BLTP3B: variants seen among roughly 807,000 people sequenced by gnomAD.
BLTP3B encodes the protein bridge-like lipid transfer protein family member 3B, also known as UHRF1 (ICBP90) binding protein 1-like.
the BLTP3B span, among the ~76,000 whole-genome samples, chr12:100,053,013 T>C: frequency 6.6e-6 from 1 of 151,654 alleles, no homozygotes; most frequent in Non-Finnish European, 1.5e-5. Flanking sequence ...CAGGATGGTC[T>C]CCATCTCCTG....
chr12:100,109,227 A>T, the BLTP3B span, among the ~76,000 whole-genome samples: 115 of 141,724 alleles, frequency 8.1e-4, no homozygotes, highest in African/African-American at 2.9e-3. Context: ...GCCACCATGT[A>T]AAACATGCCT....
At chr12:100,053,088 C>T in the BLTP3B span, among the ~76,000 whole-genome samples, 13 of 151,742 alleles carry the variant, frequency 8.6e-5, no homozygotes, top group South Asian at 2.1e-4. Context: ...CCACTGCGCT[C>T]GGCCAAATTT....
chr12:100,116,790 G>A, the BLTP3B span, among the ~76,000 whole-genome samples: 1 of 152,152 alleles, frequency 6.6e-6, no homozygotes, highest in African/African-American at 2.4e-5. Flanking sequence ...GTTTTGAAAA[G>A]TAGTAAAATT....
the BLTP3B span, among the ~76,000 whole-genome samples, chr12:100,111,103 A>G: frequency 2.6e-5 from 4 of 152,106 alleles, no homozygotes; most frequent in African/African-American, 9.7e-5. Flanking sequence ...ATTATAATAC[A>G]CTATATTATT....
the BLTP3B span, among the ~76,000 whole-genome samples, chr12:100,098,112 G>A: frequency 6.6e-6 from 1 of 152,076 alleles, no homozygotes; most frequent in African/African-American, 2.4e-5. Flanking sequence ...AGCTACTCAA[G>A]ATGCTGAGGT....
the BLTP3B span, chr12:100,097,431 T>G: frequency 2.0e-5 from 33 of 1,613,608 alleles, no homozygotes; most frequent in South Asian, 3.6e-4. Flanking sequence ...CACACATAAT[T>G]TCAAGATGTG....
the BLTP3B span, chr12:100,102,719 T>A: frequency 7.4e-5 from 81 of 1,090,828 alleles, no homozygotes; most frequent in South Asian, 1.0e-4. Context: ...TTTTTTTTTT[T>A]AATGTCCTGT....
At chr12:100,097,772 C>T in the BLTP3B span, among the ~76,000 whole-genome samples, 3,035 of 152,182 alleles carry the variant, frequency 0.02, 38 homozygotes, top group Non-Finnish European at 0.034. Context: ...CATGAAATCA[C>T]GTTACCAAGA....
At chr12:100,057,677 T>G in the BLTP3B span, 1 of 1,612,544 alleles carries the variant, frequency 6.2e-7, no homozygotes, top group South Asian at 1.1e-5. Context: ...GTGAAGAGCT[T>G]CTTTTCATAT....
chr12:100,054,091 T>A, the BLTP3B span, among the ~76,000 whole-genome samples: 16 of 152,242 alleles, frequency 1.1e-4, no homozygotes, highest in East Asian at 1.2e-3. Flanking sequence ...CAGACAAAAA[T>A]TTGTGAACAA....
At chr12:100,106,000 T>G in the BLTP3B span, among the ~76,000 whole-genome samples, 1 of 152,040 alleles carries the variant, frequency 6.6e-6, no homozygotes, top group African/African-American at 2.4e-5. Context: ...TAAAAACACA[T>G]TGAGACACCA....
At chr12:100,114,885 T>G in the BLTP3B span, among the ~76,000 whole-genome samples, 1 of 152,170 alleles carries the variant, frequency 6.6e-6, no homozygotes, top group Non-Finnish European at 1.5e-5. Context: ...TCACCTACAC[T>G]CCTGTCACTC....
At chr12:100,046,503 A>C in the BLTP3B span, among the ~76,000 whole-genome samples, 1 of 149,604 alleles carries the variant, frequency 6.7e-6, no homozygotes. Context: ...GCATGTTCTC[A>C]CTCATAAGTG....
chr12:100,104,976 G>C, the BLTP3B span, among the ~76,000 whole-genome samples: 1 of 150,950 alleles, frequency 6.6e-6, no homozygotes, highest in Non-Finnish European at 1.5e-5. Context: ...AAAACACTGT[G>C]GAAAATCATA....
chr12:100,037,987 C>T, the BLTP3B span, among the ~76,000 whole-genome samples: 1 of 152,182 alleles, frequency 6.6e-6, no homozygotes, highest in Non-Finnish European at 1.5e-5. Context: ...TCCTAATTTC[C>T]TAGTCTAATA....
chr12:100,037,605 G>C, the BLTP3B span: 1 of 1,605,490 alleles, frequency 6.2e-7, no homozygotes, highest in African/African-American at 1.3e-5. Flanking sequence ...CTACTCCAGA[G>C]CTATAATTTC....
chr12:100,038,759 T>C, the BLTP3B span, among the ~76,000 whole-genome samples: 20 of 152,168 alleles, frequency 1.3e-4, no homozygotes, highest in Non-Finnish European at 4.4e-5. Flanking sequence ...GCAAATATAT[T>C]AGAGCAAATA....
the BLTP3B span, among the ~76,000 whole-genome samples, chr12:100,082,143 T>C: frequency 6.6e-6 from 1 of 152,102 alleles, no homozygotes; most frequent in African/African-American, 2.4e-5. Flanking sequence ...TTTTGATTTG[T>C]ATTTCTCAGT....
chr12:100,135,755 A>G, the BLTP3B span, among the ~76,000 whole-genome samples: 1 of 152,174 alleles, frequency 6.6e-6, no homozygotes. Flanking sequence ...TCTGATTAAA[A>G]CGTAAACTCC....
Sources: allele counts gnomAD v4.1 joint callset (sites outside exome capture counted in the v4.1 genomes callset), GRCh38; gene constraint gnomAD v4.1.1; transcripts MANE v1.5; gene names NCBI Gene and HGNC (gene_info 2026-07-23, HGNC 2026-07-21).